Variants in ABCB7 observed in about 807,000 individuals in gnomAD.
ABCB7 encodes iron-sulfur clusters transporter ABCB7, mitochondrial.
A neutral mutation model predicts 54.4 loss-of-function variants in ABCB7; 7 were observed. The observed-to-expected ratio is 0.13, with a 90% CI of 0.07 to 0.24. The LOEUF is 0.24. Among genes scored for constraint, ABCB7 ranks in the 10% least tolerant of loss-of-function variants. The pLI is 1.00. For missense variants in ABCB7, 356 were observed against 570.4 expected (o/e 0.62, Z 3.83); for synonymous variants, 218 against 207.1 (o/e 1.05, Z -0.45).
intron 14 of ABCB7, among the ~76,000 whole-genome samples, chrX:75,061,851 T>C (rs2081284495): frequency 8.9e-6 from 1 of 112,440 alleles, no homozygotes; most frequent in Non-Finnish European, 1.9e-5. Context: ...TACAAATTGA[T>C]ACCAGCACTG....
intron 5 of ABCB7, 69 bp from the exon 6 acceptor site, chrX:75,075,699 A>G: frequency 1.9e-6 from 2 of 1,030,944 alleles, no homozygotes; most frequent in East Asian, 3.2e-5. Flanking sequence ...AGAAATGACA[A>G]GGGCTCAGAA....
At chrX:75,116,499 AC>A (rs2081821714) in intron 1 of ABCB7, among the ~76,000 whole-genome samples, 1 of 111,672 alleles carries the variant, frequency 9.0e-6, no homozygotes, top group South Asian at 3.8e-4. Flanking sequence ...AGGCCACTTT[AC>A]CCTTGGTAAC....
At chrX:75,064,188 A>G (rs796976676) in intron 13 of ABCB7, among the ~76,000 whole-genome samples, 1 of 112,029 alleles carries the variant, frequency 8.9e-6, no homozygotes, top group Non-Finnish European at 1.9e-5. Context: ...CAGATTGCCA[A>G]TTCCTGAATA....
At chrX:75,139,302 A>T (rs1461606842) in intron 1 of ABCB7, among the ~76,000 whole-genome samples, 1 of 111,894 alleles carries the variant, frequency 8.9e-6, no homozygotes, top group Non-Finnish European at 1.9e-5. Flanking sequence ...TCCCATCTCT[A>T]TTTCATGAAC....
intron 1 of ABCB7, among the ~76,000 whole-genome samples, chrX:75,136,143 C>A (rs2082007675): frequency 9.0e-6 from 1 of 111,159 alleles, no homozygotes; most frequent in Admixed American, 9.6e-5. Context: ...ACAATTTCAG[C>A]AAAGTTTCAG....
At position 75,052,961 on chromosome X, in the gene ABCB7, C is replaced by T; in HGVS notation, c.*409G>A. The T allele has an allele frequency of 6.7e-6, 1 of 149,890 alleles. No individual in the cohort carries two copies. The highest frequency in any genetic ancestry group is 1.3e-5 in the Non-Finnish European group (1 of 77,367). 12.4% of individuals were successfully genotyped at this position (149,890 alleles called of 1,213,427 possible). A position where few individuals can be genotyped will look rare whatever the true frequency, so the allele number is the denominator to read the frequency against. ...CGAAGGAGGGAGAAGAAACAATGAA[C>T]CTACACTATCCTCTTTTTCTTTCAT... On this transcript the variant is annotated 3_prime_UTR_variant, in exon 16 of 16. Transcript: ENST00000373394.
At chrX:75,082,464 G>T in intron 4 of ABCB7, among the ~76,000 whole-genome samples, 1 of 112,210 alleles carries the variant, frequency 8.9e-6, no homozygotes, top group Non-Finnish European at 1.9e-5. Context: ...TACAAGAAGT[G>T]AAAGCAGAAG....
chrX:75,082,175 G>C (rs181017071), intron 4 of ABCB7, among the ~76,000 whole-genome samples: 1 of 111,266 alleles, frequency 9.0e-6, no homozygotes. Flanking sequence ...ATGAAAGCTA[G>C]AGACAGAGAA....
At chrX:75,060,451 T>A in intron 14 of ABCB7, 121 bp from the exon 15 acceptor site, 1 of 529,367 alleles carries the variant, frequency 1.9e-6, no homozygotes. Context: ...TTTTTTTTAG[T>A]ATGTAACTTT....
chrX:75,156,167 C>T lies in ABCB7; in HGVS notation c.106G>A (p.Gly36Ser). The T allele has an allele frequency of 4.1e-6, 5 of 1,208,076 alleles. No homozygotes were observed. The highest frequency in any genetic ancestry group is 5.6e-6 in the Non-Finnish European group (5 of 893,724). Reference sequence around the variant, plus strand: ...TGTGGCCTCCACTGCGGACCTGAGCCGCTAACAGAGACTAAAGGCCGGATC... The same window carrying T: ...TGTGGCCTCCACTGCGGACCTGAGCTGCTAACAGAGACTAAAGGCCGGATC... ...ILIRPLVSVSGSGPQWRPHQL... is the reference protein window; with the variant it reads ...ILIRPLVSVSSSGPQWRPHQL... Residue 36 changes from glycine to serine, a missense_variant, in exon 1 of 16, where the codon GGC becomes AGC. Physicochemically the swap from Gly to Ser is moderately conservative, Grantham distance 56 (BLOSUM62 0). Around this residue, in one of 2 missense-constraint regions of ABCB7, gnomAD observed 115 missense variants for 99.5 expected, o/e 1.16. Transcript: ENST00000373394.
chrX:75,103,745 G>T (rs1175554405), intron 3 of ABCB7, among the ~76,000 whole-genome samples: 1 of 110,605 alleles, frequency 9.0e-6, no homozygotes, highest in Non-Finnish European at 1.9e-5. Flanking sequence ...AAGTGGGATT[G>T]CCTTCTTCAT....
intron 4 of ABCB7, among the ~76,000 whole-genome samples, chrX:75,095,723 T>C (rs987167700): frequency 8.9e-6 from 1 of 112,616 alleles, no homozygotes; most frequent in African/African-American, 3.2e-5. Flanking sequence ...TTTTTGAGGA[T>C]TTTCTATATT....
At chrX:75,127,604 G>C (rs754559000) in intron 1 of ABCB7, among the ~76,000 whole-genome samples, 1 of 111,744 alleles carries the variant, frequency 8.9e-6, no homozygotes, top group East Asian at 2.8e-4. Context: ...CAAATAGGAA[G>C]AGAGGTAGTC....
At chrX:75,056,241 G>A (rs147678160) in intron 15 of ABCB7, among the ~76,000 whole-genome samples, 1,462 of 111,335 alleles carry the variant, frequency 0.013, 17 homozygotes, top group African/African-American at 0.045. Flanking sequence ...CAACCAGTGA[G>A]GACCCTTACC....
In ABCB7 at chrX:75,073,952, T is replaced by C; in HGVS notation, c.860A>G (p.Tyr287Cys). Reference sequence around the variant, plus strand: ...CAAAGCAAACTGGGCACCGCATTTGTAATACTAGAAAAGGAAGTCCAAAGA... The same window carrying C: ...CAAAGCAAACTGGGCACCGCATTTGCAATACTAGAAAAGGAAGTCCAAAGA... ...EVMLVSGVLY[Y>C]KCGAQFALVT... The change falls in exon 7 of 16, where the codon TAC (tyrosine) becomes TGC (cysteine). Residue 287 changes from tyrosine (Y) to cysteine (C), a missense_variant. Physicochemically the swap from Tyr to Cys is radical, Grantham distance 194. Coordinates refer to ENST00000373394, the MANE Select transcript of ABCB7 (RefSeq NM_001271696.3). The C allele has an allele frequency of 8.3e-7, 1 of 1,201,807 alleles. No individual in the cohort carries two copies.
In ABCB7 at chrX:75,076,527, A is replaced by G; in HGVS notation, c.581T>C (p.Ile194Thr). The G allele has an allele frequency of 8.3e-7, 1 of 1,210,866 alleles. No individual in the cohort carries two copies. The highest frequency in any genetic ancestry group is 1.7e-5 in the African/African-American group (1 of 57,803). The change falls in exon 5 of 16, where the codon ATT becomes ACT. Residue 194 changes from isoleucine to threonine, a missense_variant. Ile to Thr is a moderately conservative substitution (Grantham distance 89). This residue lies in a region of ABCB7 where 241 missense variants were observed against 470.9 expected (regional missense o/e 0.51). Coordinates refer to ENST00000373394, the MANE Select transcript of ABCB7 (RefSeq NM_001271696.3). ...TVATMATAVL[I>T]GYGVSRAGAA... ...GATTAAAGAATCACACATACAGCCAATCAGAACTGCTGTTGCCATGGTTGC... is the reference window on the plus strand; with the variant it reads ...GATTAAAGAATCACACATACAGCCAGTCAGAACTGCTGTTGCCATGGTTGC...
At chrX:75,119,793 T>C (rs1392040892) in intron 1 of ABCB7, among the ~76,000 whole-genome samples, 1 of 112,048 alleles carries the variant, frequency 8.9e-6, no homozygotes, top group African/African-American at 3.2e-5. Context: ...ACAATTATTA[T>C]GTACAATTGT....
At chrX:75,140,886 T>A (rs1314604962) in intron 1 of ABCB7, among the ~76,000 whole-genome samples, 2 of 111,749 alleles carry the variant, frequency 1.8e-5, no homozygotes, top group Non-Finnish European at 3.8e-5. Context: ...TCTCATCCTT[T>A]TATACCACCA....
intron 15 of ABCB7, among the ~76,000 whole-genome samples, chrX:75,055,915 G>A (rs1020077218): frequency 9.1e-5 from 10 of 109,391 alleles, no homozygotes; most frequent in South Asian, 8.0e-4. Flanking sequence ...TGGAACTTCT[G>A]GGCTCAGGTA....
Sources: gnomAD v4.1 joint callset for allele counts (sites outside exome capture counted in the v4.1 genomes callset) on GRCh38, gnomAD v4.1.1 for gene constraint, gnomAD v4.1.1 regional missense constraint, MANE v1.5 for transcripts, NCBI Gene and HGNC (gene_info 2026-07-23, HGNC 2026-07-21) for gene names.